The following ABCG2 variants were observed in gnomAD, a reference collection of about 807,000 sequenced individuals.
ABCG2 encodes the protein broad substrate specificity ATP-binding cassette transporter ABCG2.
ABCG2 carries 80 observed loss-of-function variants against 73.5 expected under a neutral mutation model. The ratio of observed to expected loss-of-function variants is 1.09; its 90% CI spans 0.91 to 1.31. The LOEUF (loss-of-function observed/expected upper bound fraction) is 1.31. Ranked by LOEUF, ABCG2 falls within the 50% of genes most tolerant of loss-of-function variation. ABCG2 has a pLI of 0.00. For missense variants in ABCG2, 796 were observed against 786.2 expected (o/e 1.01, Z -0.15); for synonymous variants, 269 against 282.4 (o/e 0.95, Z 0.48).
intron 1 of ABCG2, among the ~76,000 whole-genome samples, chr4:88,214,512 A>G (rs531065396): frequency 3.5e-4 from 53 of 152,240 alleles, no homozygotes; most frequent in African/African-American, 1.3e-3. Context: ...AACTGGAACA[A>G]TATGCCAGAG....
chr4:88,215,917 C>G (rs1253116768), intron 1 of ABCG2, among the ~76,000 whole-genome samples: 1 of 152,234 alleles, frequency 6.6e-6, no homozygotes, highest in Non-Finnish European at 1.5e-5. Flanking sequence ...ACTGAAAGCT[C>G]TTCCATCCAC....
Position 88,100,191 on chromosome 4 carries a change from T to TA in ABCG2, c.1368-744dup, listed in dbSNP as rs35345062. 3.9e-3 allele frequency among the ~76,000 whole-genome samples: 564 copies of TA among 142,976 alleles called. 6 individuals are homozygous for TA. Among genetic ancestry groups the TA allele is most frequent in the African/African-American group, 0.013 (521 of 38,776 alleles). 93.8% of individuals were successfully genotyped at this position (142,976 alleles called of 152,430 possible). ...TGAGACCTTCTCTCTACAAAAAAAT[T>TA]AAAAAAAAAAAAAAAAACAGCCAGG... On this transcript the variant is annotated intron_variant, in intron 11 of 15. Coordinates refer to ENST00000237612, the MANE Select transcript of ABCG2 (RefSeq NM_004827.3).
intron 1 of ABCG2, among the ~76,000 whole-genome samples, chr4:88,227,241 A>G (rs1046879432): frequency 6.6e-6 from 1 of 152,148 alleles, no homozygotes; most frequent in African/African-American, 2.4e-5. Flanking sequence ...TACTAAAAAT[A>G]CAAAAATAAT....
intron 1 of ABCG2, among the ~76,000 whole-genome samples, chr4:88,175,989 T>C (rs1018421253): frequency 1.3e-5 from 2 of 152,344 alleles, no homozygotes; most frequent in Admixed American, 6.5e-5. Context: ...GTGTATGCCA[T>C]GTTTCCAATC....
At chr4:88,153,508 G>T (rs35693731) in intron 1 of ABCG2, among the ~76,000 whole-genome samples, 61,197 of 123,038 alleles carry the variant, frequency 0.5, 17,353 homozygotes, top group Non-Finnish European at 0.6. Flanking sequence ...TAAAAGACCA[G>T]TAGTCCGTTC....
chr4:88,130,754 ACG>A (rs1724794563), intron 5 of ABCG2, among the ~76,000 whole-genome samples: 1 of 152,202 alleles, frequency 6.6e-6, no homozygotes, highest in African/African-American at 2.4e-5. Context: ...TAGTGCAGAC[ACG>A]GAATGAGACG....
intron 3 of ABCG2, among the ~76,000 whole-genome samples, 191 bp from the exon 4 acceptor site, chr4:88,132,108 CT>C (rs1487390843): frequency 1.3e-5 from 2 of 152,100 alleles, no homozygotes; most frequent in Non-Finnish European, 2.9e-5. Context: ...AAATTCTCAC[CT>C]TTCTCTTTTC....
intron 10 of ABCG2, among the ~76,000 whole-genome samples, chr4:88,103,295 T>C (rs893393422): frequency 3.9e-5 from 6 of 152,342 alleles, no homozygotes; most frequent in Admixed American, 2.6e-4. Flanking sequence ...AAGTAGACAA[T>C]GGAAACGTTC....
chr4:88,207,055 G>C (rs192846176), intron 1 of ABCG2, among the ~76,000 whole-genome samples: 19 of 152,172 alleles, frequency 1.2e-4, no homozygotes, highest in Admixed American at 5.2e-4. Flanking sequence ...TTGGCCTCCC[G>C]AAGTGCTAGG....
chr4:88,131,946 T>C (rs1724921603), intron 3 of ABCG2, 29 bp from the exon 4 acceptor site: 1 of 1,511,740 alleles, frequency 6.6e-7, no homozygotes, highest in Non-Finnish European at 9.2e-7. Context: ...GTTGTGGGTC[T>C]AATAACCTAT....
intron 1 of ABCG2, among the ~76,000 whole-genome samples, chr4:88,199,224 C>G (rs1729055088): frequency 6.6e-6 from 1 of 152,122 alleles, no homozygotes; most frequent in Non-Finnish European, 1.5e-5. Context: ...CCACCTCAGC[C>G]TCCCAAAGTG....
At chr4:88,111,932 A>G (rs985235419) in intron 9 of ABCG2, among the ~76,000 whole-genome samples, 1 of 152,028 alleles carries the variant, frequency 6.6e-6, no homozygotes, top group African/African-American at 2.4e-5. Flanking sequence ...ACAAAAAATT[A>G]AAAAATCAGC....
chr4:88,093,562 T>G (rs1721788114), intron 15 of ABCG2, among the ~76,000 whole-genome samples: 1 of 148,980 alleles, frequency 6.7e-6, no homozygotes, highest in South Asian at 2.1e-4. Flanking sequence ...GGATGAAGCC[T>G]CATCTTCCGT....
At chr4:88,212,036 C>T (rs1301831559) in intron 1 of ABCG2, among the ~76,000 whole-genome samples, 1 of 152,112 alleles carries the variant, frequency 6.6e-6, no homozygotes, top group Non-Finnish European at 1.5e-5. Context: ...GAGTCTATGT[C>T]CCAATTTACA....
At chr4:88,101,600 A>C (rs1210677659) in intron 10 of ABCG2, among the ~76,000 whole-genome samples, 1 of 152,068 alleles carries the variant, frequency 6.6e-6, no homozygotes, top group Non-Finnish European at 1.5e-5. Flanking sequence ...CCCAACCCCC[A>C]ATGTGATGGT....
intron 1 of ABCG2, among the ~76,000 whole-genome samples, chr4:88,200,361 G>T (rs1729109435): frequency 2.0e-5 from 3 of 152,012 alleles, no homozygotes; most frequent in Admixed American, 6.6e-5. Context: ...TGGAGACAGG[G>T]TCTCACTATG....
chr4:88,230,251 C>T (rs1730399958), intron 1 of ABCG2, among the ~76,000 whole-genome samples: 2 of 140,916 alleles, frequency 1.4e-5, no homozygotes, highest in South Asian at 2.3e-4. Context: ...CCTCGGTCTC[C>T]CAAAATGCTG....
chr4:88,215,363 G>T (rs900688065), intron 1 of ABCG2, among the ~76,000 whole-genome samples: 8 of 152,128 alleles, frequency 5.3e-5, no homozygotes, highest in African/African-American at 1.9e-4. Flanking sequence ...TGAAATGCCA[G>T]AAATTTCCTA....
chr4:88,207,433 A>G (rs1729421305), intron 1 of ABCG2, among the ~76,000 whole-genome samples: 1 of 152,212 alleles, frequency 6.6e-6, no homozygotes, highest in Admixed American at 6.5e-5. Flanking sequence ...TCTTAGTGAT[A>G]TGAAACTGTG....
Sources: allele counts gnomAD v4.1 joint callset (sites outside exome capture counted in the v4.1 genomes callset), GRCh38; gene constraint gnomAD v4.1.1; transcripts MANE v1.5; gene names NCBI Gene and HGNC (gene_info 2026-07-23, HGNC 2026-07-21).